The following FAM163A variants were observed in gnomAD, a reference collection of about 807,000 sequenced individuals.
FAM163A encodes the protein family with sequence similarity 163 member A.
FAM163A carries 7 observed loss-of-function variants against 12.0 expected under a neutral mutation model. The observed-to-expected ratio is 0.58, with a 90% confidence interval of 0.33 to 1.10. FAM163A has a LOEUF of 1.10. Ranked by LOEUF, FAM163A falls within the 50% of genes least tolerant of loss-of-function variation. The pLI, the probability that FAM163A is intolerant of heterozygous loss-of-function variation, is 0.03. For missense variants in FAM163A, 202 were observed against 218.6 expected (o/e 0.92, Z 0.48); for synonymous variants, 101 against 91.0 (o/e 1.11, Z -0.62).
intron 1 of FAM163A, among the ~76,000 whole-genome samples, chr1:179,785,666 C>G (rs12130143): frequency 0.2 from 29,983 of 152,006 alleles, 3,822 homozygotes; most frequent in Non-Finnish European, 0.27. Context: ...ATAATTCCAC[C>G]CCTTAAAAAA....
chr1:179,731,123 T>C, the FAM163A span, among the ~76,000 whole-genome samples: 1 of 152,204 alleles, frequency 6.6e-6, no homozygotes, highest in African/African-American at 2.4e-5. Context: ...CCTGATACAT[T>C]TTTTGAAAAG....
chr1:179,733,708 C>T, the FAM163A span, among the ~76,000 whole-genome samples: 1 of 152,164 alleles, frequency 6.6e-6, no homozygotes, highest in Non-Finnish European at 1.5e-5. Context: ...TTCTGACCCA[C>T]TTCAAAACAG....
rs72708643 is a variant in FAM163A at position 179,810,398 on chromosome 1, G to C, written c.-44-1712G>C. On this transcript the variant is annotated intron_variant, in intron 2 of 4. Transcript: ENST00000341785. ...CAAAAGCCCCGTCAGGAAACCCCCA[G>C]GGTCTCCAAGAGAGTTCATCTGGAT... Among the ~76,000 whole-genome samples the C allele has an allele frequency of 3.7e-3, 558 of 152,302 alleles. 5 individuals carry two copies. The highest frequency in any genetic ancestry group is 0.026 in the South Asian group (125 of 4,832).
intron 1 of FAM163A, among the ~76,000 whole-genome samples, chr1:179,800,314 C>T (rs1439929810): frequency 2.6e-5 from 4 of 152,202 alleles, no homozygotes; most frequent in African/African-American, 9.7e-5. Flanking sequence ...TTTGTGTCAC[C>T]CGAATCAGGG....
rs1450084986 is a variant in FAM163A at position 179,815,109 on chromosome 1, GCACAGA to G, written c.*925_*930del. ...CAGGTGTACGCACGCGCGCGCGCGC[GCACAGA>G]CACACACACACACACACACACACAC... On this transcript the variant is annotated 3_prime_UTR_variant, in exon 5 of 5. Coordinates refer to ENST00000341785, the MANE Select transcript of FAM163A (RefSeq NM_173509.3). 531 of 67,300 alleles carry G rather than the reference GCACAGA, an allele frequency of 7.9e-3. 5 individuals are homozygous for G. The highest frequency in any genetic ancestry group is 0.031 in the African/African-American group (484 of 15,834). The allele number at this position is 67,300 out of a possible 1,614,324, so 4.2% of individuals were successfully genotyped here. A position where few individuals can be genotyped will look rare whatever the true frequency, so the allele number is the denominator to read the frequency against.
chr1:179,764,613 A>C (rs189585980), intron 1 of FAM163A, among the ~76,000 whole-genome samples: 48 of 152,294 alleles, frequency 3.2e-4, no homozygotes, highest in Admixed American at 1.5e-3. Context: ...AATCCACAGA[A>C]TCCCCTCGGT....
the FAM163A span, among the ~76,000 whole-genome samples, chr1:179,734,163 T>G: frequency 6.6e-6 from 1 of 152,166 alleles, no homozygotes; most frequent in Admixed American, 6.5e-5. Context: ...TCAACTCAGC[T>G]CAAATGTTGC....
rs551425408 is a variant in FAM163A at position 179,806,687 on chromosome 1, AG to A, written c.-135-1104del. Among the ~76,000 whole-genome samples the A allele has an allele frequency of 5.3e-5, 8 of 152,292 alleles. No individual in the cohort carries two copies. In the South Asian group the frequency reaches 1.5e-3, roughly 28 times the overall value. ...TCCCCAATACAAACATCCCCCACCC[AG>A]GGGGGGCCTTTCCTCTGAGCCAGGG... On this transcript the variant is annotated intron_variant, in intron 1 of 4. Coordinates refer to ENST00000341785, the MANE Select transcript of FAM163A (RefSeq NM_173509.3).
the FAM163A span, among the ~76,000 whole-genome samples, chr1:179,728,652 GTTT>G: frequency 6.6e-6 from 1 of 152,238 alleles, no homozygotes; most frequent in East Asian, 1.9e-4. Context: ...TGATTTGTTT[GTTT>G]TTGGTCTTTC....
intron 2 of FAM163A, among the ~76,000 whole-genome samples, chr1:179,809,477 G>A (rs891488049): frequency 6.6e-6 from 1 of 152,182 alleles, no homozygotes; most frequent in Non-Finnish European, 1.5e-5. Context: ...CCAATATGGG[G>A]TAGCTGCTCA....
At chr1:179,804,959 A>G (rs1571570138) in intron 1 of FAM163A, among the ~76,000 whole-genome samples, 1 of 152,140 alleles carries the variant, frequency 6.6e-6, no homozygotes, top group East Asian at 1.9e-4. Flanking sequence ...CCTAAAATAA[A>G]AGTTTTTTAA....
chr1:179,773,796 C>T (rs909960381), intron 1 of FAM163A, among the ~76,000 whole-genome samples: 3 of 152,216 alleles, frequency 2.0e-5, no homozygotes, highest in African/African-American at 7.2e-5. Flanking sequence ...AAGCACTTGC[C>T]TCTTCACCCA....
upstream of FAM163A, chr1:179,742,044 G>A (rs917803311): frequency 5.3e-5 from 8 of 152,218 alleles, no homozygotes; most frequent in African/African-American, 1.7e-4. Flanking sequence ...AGCCTTAACT[G>A]TGCTGAGAAA....
chr1:179,764,543 G>A (rs61828397), intron 1 of FAM163A, among the ~76,000 whole-genome samples: 17,415 of 152,124 alleles, frequency 0.11, 1,104 homozygotes, highest in Non-Finnish European at 0.13. Flanking sequence ...TGGTAGATGA[G>A]GTATTGATAG....
At chr1:179,762,113 G>A (rs958837195) in intron 1 of FAM163A, among the ~76,000 whole-genome samples, 2 of 152,292 alleles carry the variant, frequency 1.3e-5, no homozygotes, top group East Asian at 1.9e-4. Context: ...AAATGCTCTT[G>A]TTGAATGGAT....
chr1:179,730,005 T>C, the FAM163A span, among the ~76,000 whole-genome samples: 1 of 152,332 alleles, frequency 6.6e-6, no homozygotes, highest in African/African-American at 2.4e-5. Context: ...ATCAGCCTCC[T>C]ACCTTTGGGA....
chr1:179,770,432 T>C (rs1252418834), intron 1 of FAM163A, among the ~76,000 whole-genome samples: 1 of 152,108 alleles, frequency 6.6e-6, no homozygotes, highest in Non-Finnish European at 1.5e-5. Flanking sequence ...GTGTCACTCA[T>C]CCCCGTGTAC....
At chr1:179,800,585 C>T (rs1693022490) in intron 1 of FAM163A, among the ~76,000 whole-genome samples, 1 of 152,222 alleles carries the variant, frequency 6.6e-6, no homozygotes, top group South Asian at 2.1e-4. Flanking sequence ...CACTGGGGGT[C>T]CTGAAACCAG....
chr1:179,791,104 G>T (rs1464016213), intron 1 of FAM163A, among the ~76,000 whole-genome samples: 1 of 152,142 alleles, frequency 6.6e-6, no homozygotes, highest in African/African-American at 2.4e-5. Context: ...CTTTGTCCCA[G>T]ACAGAGGCTG....
Sources: gnomAD v4.1 joint callset for allele counts (sites outside exome capture counted in the v4.1 genomes callset) on GRCh38, gnomAD v4.1.1 for gene constraint, MANE v1.5 for transcripts, NCBI Gene and HGNC (gene_info 2026-07-23, HGNC 2026-07-21) for gene names.